The following TNIK variants were observed in gnomAD, a reference collection of about 807,000 sequenced individuals.
TNIK encodes the protein TRAF2 and NCK interacting kinase, also known as TRAF2 and NCK-interacting protein kinase.
TNIK carries 49 observed loss-of-function variants against 191.3 expected under a neutral mutation model. The ratio of observed to expected loss-of-function variants is 0.26; its 90% CI spans 0.20 to 0.32. The LOEUF is 0.32. Ranked by LOEUF, TNIK falls within the 10% of genes least tolerant of loss-of-function variation. The pLI is 1.00. For missense variants in TNIK, 1,155 were observed against 1,702.3 expected (o/e 0.68, Z 5.66); for synonymous variants, 594 against 600.9 (o/e 0.99, Z 0.17).
Position 171,110,780 on chromosome 3 carries a change from GCTGGGAGCTAGGGGTGCTGGAGCTGGA to G in TNIK, c.2191_2217del (p.Ser731_Gln739del). On this transcript the variant is annotated inframe_deletion, in exon 19 of 33. Transcript: ENST00000436636. ...GGCTGGGAGCCTCCTTGGGAGCTGG[GCTGGGAGCTAGGGGTGCTGGAGCTGGA>G]GGAACTGCCACTGCTGGTCCTCTGC... 1 of 1,604,192 alleles carries G rather than the reference GCTGGGAGCTAGGGGTGCTGGAGCTGGA, an allele frequency of 6.2e-7. No homozygotes were observed. The highest frequency in any genetic ancestry group is 8.5e-7 in the Non-Finnish European group (1 of 1,175,610).
chr3:171,445,252 C>T (rs1240141534), intron 1 of TNIK, among the ~76,000 whole-genome samples: 1 of 151,898 alleles, frequency 6.6e-6, no homozygotes, highest in Non-Finnish European at 1.5e-5. Flanking sequence ...AAGCCCTTCT[C>T]TATAAAAAAT....
chr3:171,121,190 A>G (rs1338548557), intron 18 of TNIK, among the ~76,000 whole-genome samples: 2 of 152,244 alleles, frequency 1.3e-5, no homozygotes, highest in East Asian at 3.8e-4. Context: ...ACTGTAAAGG[A>G]CAGGTTATTT....
intron 2 of TNIK, among the ~76,000 whole-genome samples, chr3:171,356,112 C>T (rs1035538965): frequency 3.3e-5 from 5 of 151,916 alleles, no homozygotes; most frequent in South Asian, 4.2e-4. Context: ...TGAAGCTGAG[C>T]GAATAAATCA....
chr3:171,332,397 A>G (rs1418583510), intron 2 of TNIK, among the ~76,000 whole-genome samples: 2 of 152,226 alleles, frequency 1.3e-5, no homozygotes, highest in Non-Finnish European at 2.9e-5. Flanking sequence ...AGATGGATGA[A>G]CATTTTTAGG....
intron 7 of TNIK, among the ~76,000 whole-genome samples, chr3:171,180,161 G>T (rs192514746): frequency 1.5e-3 from 224 of 152,274 alleles, no homozygotes; most frequent in Non-Finnish European, 2.7e-3. Flanking sequence ...CAGGCCTCAG[G>T]TCAGGAAGAA....
rs201193812 is a variant in TNIK at position 171,112,448 on chromosome 3, TACAA to T, written c.2121-1575_2121-1572del. 8.1e-4 allele frequency among the ~76,000 whole-genome samples: 122 copies of T among 150,902 alleles called. 3 individuals carry two copies. The East Asian group carries it at 0.023, about 28-fold the overall frequency. On this transcript the variant is annotated intron_variant, in intron 18 of 32. Coordinates refer to ENST00000436636, the MANE Select transcript of TNIK (RefSeq NM_015028.4). ...GGTGAATCTTCAAAGAAAGCTTTCTTACAAACATTTTTTTCTGTGCTCATTGTAA... is the reference window on the plus strand; with the variant it reads ...GGTGAATCTTCAAAGAAAGCTTTCTTACATTTTTTTCTGTGCTCATTGTAA...
chr3:171,249,716 G>A (rs1310637422), intron 2 of TNIK, among the ~76,000 whole-genome samples: 1 of 152,140 alleles, frequency 6.6e-6, no homozygotes, highest in African/African-American at 2.4e-5. Flanking sequence ...TATTAAGTGA[G>A]GAGCCTGCAG....
chr3:171,276,157 A>C (rs181796037), intron 2 of TNIK, among the ~76,000 whole-genome samples: 54 of 152,234 alleles, frequency 3.5e-4, no homozygotes, highest in Middle Eastern at 6.8e-3. Context: ...CTAATCATCA[A>C]CCAAAGATGA....
rs536137281 is a variant in TNIK at position 171,211,877 on chromosome 3, G to A, written c.181-636C>T. On this transcript the variant is annotated intron_variant, in intron 3 of 32. Transcript: ENST00000436636. ...TAAAAAGAGACAACTCTCTTACAGA[G>A]TTAGTTTCTTAATATTCAGGTTTCA... 5.6e-4 allele frequency among the ~76,000 whole-genome samples: 85 copies of A among 152,300 alleles called. 1 individual carries two copies. The highest frequency in any genetic ancestry group is 2.0e-3 in the African/African-American group (84 of 41,560).
At chr3:171,327,449 G>C (rs1367948140) in intron 2 of TNIK, among the ~76,000 whole-genome samples, 3 of 152,166 alleles carry the variant, frequency 2.0e-5, no homozygotes, top group South Asian at 2.1e-4. Context: ...TAGCCTATGG[G>C]CTGGAGGGCT....
intron 16 of TNIK, among the ~76,000 whole-genome samples, chr3:171,126,649 G>T (rs1204798022): frequency 6.6e-6 from 1 of 152,120 alleles, no homozygotes; most frequent in East Asian, 1.9e-4. Flanking sequence ...GGTGTAGAGA[G>T]GTTTAGCAAT....
At chr3:171,354,636 G>A (rs1360527492) in intron 2 of TNIK, among the ~76,000 whole-genome samples, 1 of 152,222 alleles carries the variant, frequency 6.6e-6, no homozygotes, top group African/African-American at 2.4e-5. Flanking sequence ...ACTCCCTAGA[G>A]ACTGTTGCAC....
chr3:171,394,700 T>C (rs144978046), intron 1 of TNIK, among the ~76,000 whole-genome samples: 93 of 152,326 alleles, frequency 6.1e-4, no homozygotes, highest in Middle Eastern at 6.8e-3. Context: ...TACTCTTGGG[T>C]TTTGTCTAAA....
intron 4 of TNIK, 58 bp downstream of exon 4, chr3:171,211,058 C>A: frequency 6.3e-7 from 1 of 1,592,166 alleles, no homozygotes; most frequent in East Asian, 2.2e-5. Context: ...GAAAAATGAA[C>A]CATTTGGCCG....
intron 1 of TNIK, among the ~76,000 whole-genome samples, chr3:171,425,132 G>A (rs950819181): frequency 1.3e-5 from 2 of 152,174 alleles, no homozygotes; most frequent in African/African-American, 4.8e-5. Context: ...ATTTATGCAT[G>A]ATTAATTTGC....
In TNIK at chr3:171,108,174, A is replaced by C. The variant is rs1725255288; in HGVS notation, c.2285-12T>G. ...TGACTTACTGTTGGCTAGAGGAAAAAAACAGAGGACCAAGAAAGAGATGGC... is the reference window on the plus strand; with the variant it reads ...TGACTTACTGTTGGCTAGAGGAAAACAACAGAGGACCAAGAAAGAGATGGC... On this transcript the variant is annotated splice_polypyrimidine_tract_variant and intron_variant, in intron 19 of 32. Transcript: ENST00000436636. 8.5e-6 allele frequency: 13 copies of C among 1,528,792 alleles called. No homozygotes were observed. The East Asian group carries it at 3.2e-4, about 37-fold the overall frequency. 94.7% of individuals were successfully genotyped at this position (1,528,792 alleles called of 1,614,324 possible). A position where few individuals can be genotyped will look rare whatever the true frequency, so the allele number is the denominator to read the frequency against.
At chr3:171,345,163 T>A (rs1273081499) in intron 2 of TNIK, among the ~76,000 whole-genome samples, 1 of 152,184 alleles carries the variant, frequency 6.6e-6, no homozygotes, top group Non-Finnish European at 1.5e-5. Flanking sequence ...TTCTTCCCCC[T>A]TTTACTTACT....
chr3:171,390,984 G>T (rs764177713), intron 1 of TNIK, among the ~76,000 whole-genome samples: 1 of 152,164 alleles, frequency 6.6e-6, no homozygotes, highest in Non-Finnish European at 1.5e-5. Flanking sequence ...TTCAACACAA[G>T]CTGGGCAAGT....
intron 1 of TNIK, among the ~76,000 whole-genome samples, chr3:171,442,074 T>C (rs372440726): frequency 6.6e-6 from 1 of 152,192 alleles, no homozygotes; most frequent in South Asian, 2.1e-4. Flanking sequence ...AAAGGGGAGT[T>C]ATTAAGGAAC....
Sources: gnomAD v4.1 joint callset for allele counts (sites outside exome capture counted in the v4.1 genomes callset) on GRCh38, gnomAD v4.1.1 for gene constraint, MANE v1.5 for transcripts, NCBI Gene and HGNC (gene_info 2026-07-23, HGNC 2026-07-21) for gene names.